CTNNA2: variants seen among roughly 807,000 people sequenced by gnomAD.
The protein encoded by CTNNA2 is catenin alpha 2.
In CTNNA2, 42 loss-of-function variants were observed where a neutral mutation model predicts 101.0. That is an observed-to-expected ratio of 0.42 (90% CI 0.32 to 0.54). CTNNA2 has a LOEUF of 0.54. Among genes scored for constraint, CTNNA2 ranks in the 20% least tolerant of loss-of-function variants. The pLI is 0.14. For synonymous variants in CTNNA2, 450 were observed against 456.4 expected (o/e 0.99, Z 0.18); for missense variants, 871 against 1,223.1 (o/e 0.71, Z 4.29).
intron 3 of CTNNA2, among the ~76,000 whole-genome samples, chr2:79,358,950 C>T (rs771226698): frequency 1.3e-4 from 20 of 152,122 alleles, no homozygotes; most frequent in Non-Finnish European, 2.2e-4. Context: ...ACATCCAGTG[C>T]AACAGACTCA....
At chr2:79,287,138 A>G (rs1225571788) in intron 2 of CTNNA2, among the ~76,000 whole-genome samples, 1 of 152,056 alleles carries the variant, frequency 6.6e-6, no homozygotes, top group Non-Finnish European at 1.5e-5. Context: ...TGTATTGGTT[A>G]TTCTAGTTAT....
intron 9 of CTNNA2, among the ~76,000 whole-genome samples, chr2:80,486,845 T>A (rs1188255258): frequency 1.3e-5 from 2 of 152,216 alleles, no homozygotes; most frequent in African/African-American, 4.8e-5. Flanking sequence ...CATACTTTAT[T>A]TGTATTCCAT....
At chr2:79,215,029 G>A (rs1020179697) in intron 2 of CTNNA2, among the ~76,000 whole-genome samples, 19 of 152,184 alleles carry the variant, frequency 1.2e-4, no homozygotes, top group African/African-American at 4.1e-4. Flanking sequence ...GAAGCTCGGC[G>A]TCCGTGATGG....
chr2:79,469,338 C>G (rs907729755), intron 4 of CTNNA2, among the ~76,000 whole-genome samples: 6 of 151,972 alleles, frequency 3.9e-5, no homozygotes, highest in African/African-American at 9.7e-5. Context: ...GGAAGAAGTT[C>G]AATCTCTGAA....
chr2:79,265,274 G>A (rs542940847), intron 2 of CTNNA2, among the ~76,000 whole-genome samples: 11 of 152,236 alleles, frequency 7.2e-5, no homozygotes, highest in African/African-American at 1.4e-4. Flanking sequence ...AGGTGACTCC[G>A]GTGATTAGTG....
chr2:80,296,951 G>C (rs72928791), intron 7 of CTNNA2, among the ~76,000 whole-genome samples: 1,658 of 152,260 alleles, frequency 0.011, 26 homozygotes, highest in African/African-American at 0.036. Context: ...AGGAAGAAAT[G>C]CAGATAAATC....
rs540793826 is a variant in CTNNA2 at position 80,131,025 on chromosome 2, A to G, written c.1056+221228A>G. Among the ~76,000 whole-genome samples, 5 of 151,012 alleles carry G rather than the reference A, an allele frequency of 3.3e-5. No individual in the cohort carries two copies. In the South Asian group the frequency reaches 8.4e-4, roughly 25 times the overall value. On this transcript the variant is annotated intron_variant, in intron 7 of 18. Coordinates refer to ENST00000402739, the MANE Select transcript of CTNNA2 (RefSeq NM_001282597.3). ...AAAAGCATATGGTTTAGTTCATTTTATTGTACCAATGTCAATTTCCTGTTT... is the reference window on the plus strand; with the variant it reads ...AAAAGCATATGGTTTAGTTCATTTTGTTGTACCAATGTCAATTTCCTGTTT...
chr2:79,284,556 T>C (rs1417195609), intron 2 of CTNNA2, among the ~76,000 whole-genome samples: 5 of 151,524 alleles, frequency 3.3e-5, no homozygotes, highest in Non-Finnish European at 2.9e-5. Context: ...ATATGCTGGA[T>C]TACATTTATT....
intron 4 of CTNNA2, among the ~76,000 whole-genome samples, chr2:79,471,471 A>G (rs916611551): frequency 1.6e-4 from 24 of 152,122 alleles, no homozygotes; most frequent in African/African-American, 5.3e-4. Flanking sequence ...TCCCTTAATA[A>G]GGGCACTTAT....
At chr2:79,496,098 A>G (rs1312659980) in intron 4 of CTNNA2, among the ~76,000 whole-genome samples, 1 of 152,212 alleles carries the variant, frequency 6.6e-6, no homozygotes, top group Non-Finnish European at 1.5e-5. Context: ...AACTATGAAC[A>G]TATTAAAAAG....
chr2:80,558,689 A>G (rs1025390353), intron 12 of CTNNA2, among the ~76,000 whole-genome samples: 3 of 152,072 alleles, frequency 2.0e-5, no homozygotes, highest in African/African-American at 4.8e-5. Flanking sequence ...GAATCTATCA[A>G]ATTTTGTCAT....
rs551910650 is a variant in CTNNA2, at chr2:79,531,513, G to A, written c.-6+18306G>A. ...TGATATTTCCATAGCAACGGAAACA[G>A]TCTCCTTGCACACTTGTTTTATGCC... On this transcript the variant is annotated intron_variant, in intron 1 of 18. Transcript: ENST00000402739. Among the ~76,000 whole-genome samples, 39 of 151,974 alleles carry A rather than the reference G, an allele frequency of 2.6e-4. 1 individual carries two copies. The South Asian group carries it at 7.1e-3, about 27-fold the overall frequency.
intron 1 of CTNNA2, among the ~76,000 whole-genome samples, chr2:79,545,975 A>G (rs1057168629): frequency 6.6e-6 from 1 of 152,198 alleles, no homozygotes; most frequent in Non-Finnish European, 1.5e-5. Context: ...TTAGCAGAGA[A>G]GGATGTGTGT....
At chr2:79,789,214 C>T (rs1256934132) in intron 3 of CTNNA2, among the ~76,000 whole-genome samples, 2 of 152,106 alleles carry the variant, frequency 1.3e-5, no homozygotes, top group Non-Finnish European at 2.9e-5. Context: ...GGAGCTAGCC[C>T]TTGAAATGAG....
intron 1 of CTNNA2, among the ~76,000 whole-genome samples, chr2:79,575,065 TG>T (rs1424592654): frequency 6.6e-6 from 1 of 152,228 alleles, no homozygotes. Flanking sequence ...TGAAGTCATT[TG>T]TTTTTTGCTT....
chr2:80,055,449 G>A (rs1697155538), intron 7 of CTNNA2, among the ~76,000 whole-genome samples: 1 of 152,160 alleles, frequency 6.6e-6, no homozygotes, highest in South Asian at 2.1e-4. Flanking sequence ...TAGAAGTTGA[G>A]AGTAGCTAGC....
intron 7 of CTNNA2, among the ~76,000 whole-genome samples, chr2:80,364,876 T>C (rs1405835451): frequency 2.6e-5 from 4 of 152,258 alleles, no homozygotes; most frequent in African/African-American, 7.2e-5. Flanking sequence ...AAAGATTCCC[T>C]TGATATGTAG....
At chr2:80,402,867 A>G (rs2149381986) in intron 8 of CTNNA2, among the ~76,000 whole-genome samples, 1 of 150,852 alleles carries the variant, frequency 6.6e-6, no homozygotes, top group African/African-American at 2.4e-5. Flanking sequence ...TTCTGGGCAT[A>G]GGTTAGAAGT....
chr2:80,403,092 C>T lies in CTNNA2; in HGVS notation c.1137+9801C>T, dbSNP rs116009902. 9.2e-3 allele frequency among the ~76,000 whole-genome samples: 1,406 copies of T among 152,188 alleles called. 26 individuals are homozygous for T. The highest frequency in any genetic ancestry group is 0.032 in the African/African-American group (1,324 of 41,522). On this transcript the variant is annotated intron_variant, in intron 8 of 18. Transcript: ENST00000402739. ...CAGAAATCCATGATGAACAAAACAT[C>T]AATGTTGTAAATAAAGATAGGATCA...
Sources: gnomAD v4.1 joint callset for allele counts (sites outside exome capture counted in the v4.1 genomes callset) on GRCh38, gnomAD v4.1.1 for gene constraint, MANE v1.5 for transcripts, NCBI Gene and HGNC (gene_info 2026-07-23, HGNC 2026-07-21) for gene names.